The following KCNIP1 variants were observed in gnomAD, a reference collection of about 807,000 sequenced individuals.
The protein encoded by KCNIP1 is A-type potassium channel modulatory protein KCNIP1.
A neutral mutation model predicts 33.0 loss-of-function variants in KCNIP1; 18 were observed. That is an observed-to-expected ratio of 0.55 (90% CI 0.38 to 0.81). The LOEUF (loss-of-function observed/expected upper bound fraction) is 0.81. KCNIP1 is among the 30% of genes least tolerant of loss of function. The pLI is 0.00. For synonymous variants in KCNIP1, 93 were observed against 98.3 expected, an observed-to-expected ratio of 0.95 and a Z score of 0.32; for missense variants, 238 against 271.6, an observed-to-expected ratio of 0.88 and a Z score of 0.87.
chr5:170,552,414 AT>A (rs1395243508), intron 1 of KCNIP1, among the ~76,000 whole-genome samples: 1 of 152,228 alleles, frequency 6.6e-6, no homozygotes, highest in Non-Finnish European at 1.5e-5. Context: ...CAGTAAGATC[AT>A]TTGGAGAAAC....
At chr5:170,562,096 C>T (rs897463768) in intron 1 of KCNIP1, among the ~76,000 whole-genome samples, 3 of 152,018 alleles carry the variant, frequency 2.0e-5, no homozygotes, top group Admixed American at 1.3e-4. Context: ...TAAAGACAGA[C>T]AGAAAAATAG....
intron 1 of KCNIP1, among the ~76,000 whole-genome samples, chr5:170,575,999 A>G (rs1331047644): frequency 6.6e-6 from 1 of 152,218 alleles, no homozygotes; most frequent in African/African-American, 2.4e-5. Context: ...CCCAAACGCA[A>G]TGCTCTACAA....
chr5:170,631,042 G>T (rs1293361890), intron 1 of KCNIP1, among the ~76,000 whole-genome samples: 1 of 152,180 alleles, frequency 6.6e-6, no homozygotes, highest in African/African-American at 2.4e-5. Flanking sequence ...ATGACTCAGT[G>T]TGTGAACTTG....
chr5:170,727,014 C>T (rs1464042396), intron 5 of KCNIP1, among the ~76,000 whole-genome samples: 1 of 152,168 alleles, frequency 6.6e-6, no homozygotes, highest in Admixed American at 6.5e-5. Context: ...ATGTTCATAG[C>T]AGCTTTATTC....
chr5:170,398,005 T>G (rs1179210333), intron 1 of KCNIP1, among the ~76,000 whole-genome samples: 1 of 152,126 alleles, frequency 6.6e-6, no homozygotes, highest in Non-Finnish European at 1.5e-5. Flanking sequence ...GAGACTGAAG[T>G]TTTATGATGC....
At position 170,736,210 on chromosome 5, in the gene KCNIP1, GCA is replaced by G. The variant is rs1010971252; in HGVS notation, c.*408_*409del. The stretch of plus-strand genomic sequence containing the variant: ...GGAAGCAAGAGGACCTGAGCCAGAT[GCA>G]CACCATCTCTGATGGCCTCCCAAAC... On this transcript the variant is annotated 3_prime_UTR_variant, in exon 8 of 8. Coordinates refer to ENST00000328939, the MANE Select transcript of KCNIP1 (RefSeq NM_014592.4). 5.3e-6 allele frequency: 1 copy of G among 187,740 alleles called. No individual in the cohort carries two copies. Among genetic ancestry groups the G allele is most frequent in the Non-Finnish European group, 1.1e-5 (1 of 90,142 alleles). The allele number at this position is 187,740 out of a possible 1,614,324, so 11.6% of individuals were successfully genotyped here.
intron 1 of KCNIP1, among the ~76,000 whole-genome samples, chr5:170,699,299 G>A (rs934242404): frequency 2.0e-5 from 3 of 152,164 alleles, no homozygotes; most frequent in African/African-American, 7.2e-5. Context: ...ATGGGTACAT[G>A]ATAGATATTT....
chr5:170,503,724 TCACACACACACACACACA>T (rs70979180), upstream of KCNIP1, among the ~76,000 whole-genome samples: 7 of 136,472 alleles, frequency 5.1e-5, no homozygotes, highest in African/African-American at 1.3e-4. Flanking sequence ...CGCACGCACA[TCACACACACACACACACA>T]CACACACACA....
At chr5:170,711,464 C>T (rs193072455) in intron 1 of KCNIP1, among the ~76,000 whole-genome samples, 51 of 152,282 alleles carry the variant, frequency 3.3e-4, no homozygotes, top group African/African-American at 1.2e-3. Context: ...AACTATTCTG[C>T]GTAATGCTGT....
intron 1 of KCNIP1, among the ~76,000 whole-genome samples, chr5:170,674,565 C>T (rs1300367141): frequency 6.6e-6 from 1 of 152,138 alleles, no homozygotes; most frequent in African/African-American, 2.4e-5. Context: ...CAGCTTGGAA[C>T]CCTAGTAGGG....
chr5:170,492,360 A>T (rs1192456510), intron 1 of KCNIP1, among the ~76,000 whole-genome samples: 1 of 152,238 alleles, frequency 6.6e-6, no homozygotes, highest in African/African-American at 2.4e-5. Context: ...GGGTTGGGGG[A>T]TGAGGCATCG....
chr5:170,607,115 C>T (rs755378333), intron 1 of KCNIP1, among the ~76,000 whole-genome samples: 21 of 152,200 alleles, frequency 1.4e-4, no homozygotes, highest in Non-Finnish European at 1.8e-4. Flanking sequence ...CTAGACAGGA[C>T]GGCTCCGTCT....
intron 1 of KCNIP1, among the ~76,000 whole-genome samples, chr5:170,425,547 A>G (rs1481796002): frequency 1.3e-5 from 2 of 151,988 alleles, no homozygotes; most frequent in Non-Finnish European, 2.9e-5. Context: ...CATGCCCCCA[A>G]CTCTGCAAAG....
intron 1 of KCNIP1, among the ~76,000 whole-genome samples, chr5:170,564,022 G>A (rs1757125813): frequency 6.6e-6 from 1 of 152,048 alleles, no homozygotes; most frequent in Non-Finnish European, 1.5e-5. Flanking sequence ...AACACACAGA[G>A]TCCCCAACCA....
intron 1 of KCNIP1, among the ~76,000 whole-genome samples, chr5:170,643,619 A>T (rs555253774): frequency 5.4e-4 from 82 of 152,356 alleles, no homozygotes; most frequent in African/African-American, 1.8e-3. Flanking sequence ...AGAATAAAGA[A>T]GACAAACTAT....
At chr5:170,587,170 C>T (rs892343943) in intron 1 of KCNIP1, among the ~76,000 whole-genome samples, 4 of 152,046 alleles carry the variant, frequency 2.6e-5, no homozygotes, top group Non-Finnish European at 2.9e-5. Flanking sequence ...GCCTGTAATC[C>T]CAGCACTTTG....
intron 1 of KCNIP1, among the ~76,000 whole-genome samples, chr5:170,454,465 A>C (rs1365974816): frequency 1.3e-5 from 2 of 152,132 alleles, no homozygotes; most frequent in Non-Finnish European, 2.9e-5. Context: ...CTTGACCTAA[A>C]ATGTTTGCAT....
chr5:170,707,496 A>G (rs898789897), intron 1 of KCNIP1, among the ~76,000 whole-genome samples: 4 of 152,348 alleles, frequency 2.6e-5, no homozygotes, highest in African/African-American at 2.4e-5. Context: ...TCACACACAA[A>G]CAGAATTATG....
chr5:170,626,423 C>T (rs1197143863), intron 1 of KCNIP1, among the ~76,000 whole-genome samples: 1 of 152,156 alleles, frequency 6.6e-6, no homozygotes, highest in African/African-American at 2.4e-5. Flanking sequence ...GGCAGTCTGC[C>T]CCCCTCCCAT....
Sources: allele counts gnomAD v4.1 joint callset (sites outside exome capture counted in the v4.1 genomes callset), GRCh38; gene constraint gnomAD v4.1.1; transcripts MANE v1.5; gene names NCBI Gene and HGNC (gene_info 2026-07-23, HGNC 2026-07-21).